Variants in CACNG4 observed in about 807,000 individuals in gnomAD.
CACNG4 encodes the protein voltage-dependent calcium channel gamma-4 subunit.
A neutral mutation model predicts 22.9 loss-of-function variants in CACNG4; 8 were observed. The ratio of observed to expected loss-of-function variants is 0.35; its 90% confidence interval spans 0.21 to 0.63. The LOEUF is 0.63. Among genes scored for constraint, CACNG4 ranks in the 30% least tolerant of loss-of-function variants. CACNG4 has a pLI of 0.72. For synonymous variants in CACNG4, 188 were observed against 191.9 expected (o/e 0.98, Z 0.17); for missense variants, 357 against 455.4 (o/e 0.78, Z 1.97).
At chr17:67,004,037 A>C (rs2035423089) in intron 1 of CACNG4, among the ~76,000 whole-genome samples, 1 of 152,236 alleles carries the variant, frequency 6.6e-6, no homozygotes, top group Admixed American at 6.5e-5. Flanking sequence ...CTTCCCAGAG[A>C]TCTGCAGAGG....
At chr17:66,982,196 G>A (rs138824347) in intron 1 of CACNG4, among the ~76,000 whole-genome samples, 3 of 152,338 alleles carry the variant, frequency 2.0e-5, no homozygotes, top group African/African-American at 4.8e-5. Context: ...GCGGATTGCC[G>A]CTGCTGGCTA....
In CACNG4 at chr17:67,027,007, C is replaced by T. The variant is rs529569028; in HGVS notation, c.445+2007C>T. Among the ~76,000 whole-genome samples the T allele has an allele frequency of 6.6e-6, 1 of 152,114 alleles. No individual in the cohort carries two copies. Among genetic ancestry groups the T allele is most frequent in the African/African-American group, 2.4e-5 (1 of 41,394 alleles). On this transcript the variant is annotated intron_variant, in intron 3 of 3. Transcript: ENST00000262138. This position sits in a 1 kb window ranked among gnomAD's most constrained non-coding sequence, Gnocchi z 4.3. ...TCCCGGCTGTGACCCCTCAACACTG[C>T]CCCAGAGCGTCCTCCCCACGGCAGG...
chr17:66,971,330 G>A (rs7207899), intron 1 of CACNG4, among the ~76,000 whole-genome samples: 2 of 151,080 alleles, frequency 1.3e-5, no homozygotes, highest in Non-Finnish European at 2.9e-5. Context: ...AGCTTACTTA[G>A]TTCAGTGACT....
At position 67,031,077 on chromosome 17, in the gene CACNG4, T is replaced by G; in HGVS notation, c.*73T>G. ...TTTTGTCACACAGGATGGCATGTGA[T>G]CCTCAAGACGACGAACAATGAACTA... On this transcript the variant is annotated 3_prime_UTR_variant, in exon 4 of 4. Transcript: ENST00000262138. This position sits in a 1 kb window ranked among gnomAD's most constrained non-coding sequence, Gnocchi z 4.0. 6.7e-7 allele frequency: 1 copy of G among 1,483,792 alleles called. No homozygotes were observed. Among genetic ancestry groups the G allele is most frequent in the Non-Finnish European group, 9.2e-7 (1 of 1,092,536 alleles). 91.9% of individuals were successfully genotyped at this position (1,483,792 alleles called of 1,614,324 possible).
At chr17:66,976,561 T>C (rs2035237668) in intron 1 of CACNG4, among the ~76,000 whole-genome samples, 1 of 149,382 alleles carries the variant, frequency 6.7e-6, no homozygotes, top group African/African-American at 2.5e-5. Flanking sequence ...TTCTTCCTGG[T>C]CCCTCCCTCC....
rs2035270363 is a variant in CACNG4, at chr17:66,981,210, G to T, written c.220+16079G>T. On this transcript the variant is annotated intron_variant, in intron 1 of 3. Transcript: ENST00000262138. ...AGAGTTTCAGTTAAGGCAGAAGCGC[G>T]AGGGAATATGGAAGGAGATGCTGAT... Among the ~76,000 whole-genome samples the T allele has an allele frequency of 3.3e-5, 5 of 152,290 alleles. 1 individual carries two copies. In the South Asian group the frequency reaches 1.0e-3, roughly 32 times the overall value.
chr17:67,007,034 G>T (rs193084242), intron 1 of CACNG4, among the ~76,000 whole-genome samples: 9 of 152,128 alleles, frequency 5.9e-5, no homozygotes, highest in African/African-American at 2.2e-4. Flanking sequence ...AATTAGCCAG[G>T]CATGGTGGCC....
rs1414352051 is a variant in CACNG4 at position 66,964,857 on chromosome 17, G to A, written c.-55G>A. ...CCGGAGCGGCGCGCGGAGGGAGGAG[G>A]GCGGGCGGGCGCGGCGGGCCGGGCC... On this transcript the variant is annotated 5_prime_UTR_variant, in exon 1 of 4. Coordinates refer to ENST00000262138, the MANE Select transcript of CACNG4 (RefSeq NM_014405.4). The A allele has an allele frequency of 2.5e-5, 29 of 1,143,866 alleles. No individual in the cohort carries two copies. The highest frequency in any genetic ancestry group is 1.8e-4 in the South Asian group (7 of 39,092). 70.9% of individuals were successfully genotyped at this position (1,143,866 alleles called of 1,614,324 possible).
intron 1 of CACNG4, among the ~76,000 whole-genome samples, chr17:67,007,034 G>C (rs193084242): frequency 6.6e-6 from 1 of 152,128 alleles, no homozygotes; most frequent in Non-Finnish European, 1.5e-5. Flanking sequence ...AATTAGCCAG[G>C]CATGGTGGCC....
intron 1 of CACNG4, among the ~76,000 whole-genome samples, chr17:67,008,181 G>T (rs1423507760): frequency 6.6e-6 from 1 of 152,150 alleles, no homozygotes; most frequent in Non-Finnish European, 1.5e-5. Flanking sequence ...GCTTACGAGG[G>T]TCTCATGGAG....
At chr17:66,994,336 A>AAC (rs1341746330) in intron 1 of CACNG4, among the ~76,000 whole-genome samples, 3 of 151,546 alleles carry the variant, frequency 2.0e-5, no homozygotes, top group Non-Finnish European at 4.4e-5. Context: ...CCAAAAAAAA[A>AAC]AAAAAAAAAC....
intron 1 of CACNG4, among the ~76,000 whole-genome samples, chr17:66,989,120 A>T (rs1158746937): frequency 6.6e-6 from 1 of 150,444 alleles, no homozygotes; most frequent in African/African-American, 2.5e-5. Context: ...AGAAGCTGCT[A>T]AGAGCTTTTT....
intron 1 of CACNG4, among the ~76,000 whole-genome samples, chr17:67,013,365 T>G (rs145125624): frequency 3.6e-4 from 55 of 152,296 alleles, no homozygotes; most frequent in African/African-American, 1.3e-3. Context: ...ATTGGTTCAT[T>G]TTCAGATACT....
intron 1 of CACNG4, among the ~76,000 whole-genome samples, chr17:67,005,513 G>A (rs1385012798): frequency 1.3e-5 from 2 of 152,188 alleles, no homozygotes; most frequent in African/African-American, 2.4e-5. Flanking sequence ...TGATGTCTCC[G>A]CTTACCACAC....
Position 67,031,622 on chromosome 17 carries a change from C to T in CACNG4, c.*618C>T, listed in dbSNP as rs1003295748. ...TGGTGCTTTGGCCTTTGCGCTGTCC[C>T]GGGGCCAGCTTCCCTCGACCTGGGG... On this transcript the variant is annotated 3_prime_UTR_variant, in exon 4 of 4. Transcript: ENST00000262138. The surrounding 1 kb of genome is among the most constrained non-coding windows in gnomAD (Gnocchi z 4.0). 27 of 456,652 alleles carry T rather than the reference C, an allele frequency of 5.9e-5. No homozygotes were observed. Among genetic ancestry groups the T allele is most frequent in the Middle Eastern group, 6.5e-4 (2 of 3,098 alleles). 28.3% of individuals were successfully genotyped at this position (456,652 alleles called of 1,614,324 possible). A position where few individuals can be genotyped will look rare whatever the true frequency, so the allele number is the denominator to read the frequency against.
chr17:67,020,521 G>T (rs1472332100), intron 2 of CACNG4, among the ~76,000 whole-genome samples: 1 of 152,216 alleles, frequency 6.6e-6, no homozygotes, highest in African/African-American at 2.4e-5. Flanking sequence ...TGTGGTCTCT[G>T]CTGCTGGCAG....
chr17:67,018,792 A>T (rs916612978), intron 2 of CACNG4, among the ~76,000 whole-genome samples: 2 of 152,134 alleles, frequency 1.3e-5, no homozygotes, highest in Non-Finnish European at 2.9e-5. Flanking sequence ...AAGGCGAGGA[A>T]GGTGCCAGGG....
intron 1 of CACNG4, among the ~76,000 whole-genome samples, chr17:67,005,048 T>G (rs989130780): frequency 1.3e-5 from 2 of 152,136 alleles, no homozygotes; most frequent in Non-Finnish European, 2.9e-5. Context: ...ATCGGAAGGA[T>G]GTGGAAGCGT....
chr17:67,004,167 T>G (rs536430678), intron 1 of CACNG4, among the ~76,000 whole-genome samples: 59 of 152,244 alleles, frequency 3.9e-4, no homozygotes, highest in African/African-American at 1.4e-3. Flanking sequence ...ACAACAACCC[T>G]TAGTACTGAG....
Sources: allele counts gnomAD v4.1 joint callset (sites outside exome capture counted in the v4.1 genomes callset), GRCh38; gene constraint gnomAD v4.1.1; non-coding constraint Gnocchi (gnomAD v3.1); transcripts MANE v1.5; gene names NCBI Gene and HGNC (gene_info 2026-07-23, HGNC 2026-07-21).